ART3: variants seen among roughly 807,000 people sequenced by gnomAD.
ART3 encodes ecto-ADP-ribosyltransferase 3.
Under a neutral mutation model 48.5 loss-of-function variants are expected in ART3, and 49 were observed. That is an observed-to-expected ratio of 1.01 (90% confidence interval 0.80 to 1.28). The LOEUF is 1.28. ART3 is among the 50% of genes most tolerant of loss of function. The pLI, the probability that ART3 is intolerant of heterozygous loss-of-function variation, is 0.00. For synonymous variants in ART3, 145 were observed against 157.2 expected, an observed-to-expected ratio of 0.92 and a Z score of 0.58; for missense variants, 438 against 454.3, an observed-to-expected ratio of 0.96 and a Z score of 0.33.
Position 76,036,155 on chromosome 4 carries a change from T to A in ART3, c.-10+24835T>A, listed in dbSNP as rs138292834. On this transcript the variant is annotated intron_variant, in intron 1 of 9. Coordinates refer to the ART3 transcript ENST00000341029. ...TGGCACAGGAATTTCCCTCTTTGAG[T>A]CATGCACCTTTCCTGCTTCCAAGAG... The A allele has an allele frequency of 1.7e-4, 101 of 594,774 alleles. No homozygotes were observed. In the East Asian group the frequency reaches 2.8e-3, roughly 17 times the overall value. 36.8% of individuals were successfully genotyped at this position (594,774 alleles called of 1,614,324 possible).
intron 1 of ART3, among the ~76,000 whole-genome samples, chr4:76,055,808 G>C (rs1340705309): frequency 6.6e-6 from 1 of 152,200 alleles, no homozygotes; most frequent in Non-Finnish European, 1.5e-5. Context: ...CATTTTGTTG[G>C]TAAAGTTTAT....
rs201641887 is a variant in ART3, at chr4:76,051,432, AT to A, written c.-9-24442del. The stretch of plus-strand genomic sequence containing the variant: ...GCCATTAGGCACTGGGTAAGGCTCT[AT>A]TTTTTTCATCAAAACTTGGAGTAAA... On this transcript the variant is annotated intron_variant, in intron 1 of 9. Coordinates refer to the ART3 transcript ENST00000341029. Among the ~76,000 whole-genome samples the A allele has an allele frequency of 7.0e-3, 1,059 of 152,200 alleles. 9 individuals are homozygous for A. The highest frequency in any genetic ancestry group is 0.025 in the African/African-American group (1,018 of 41,522).
At chr4:76,047,638 A>G (rs776071179) in intron 1 of ART3, among the ~76,000 whole-genome samples, 1 of 151,946 alleles carries the variant, frequency 6.6e-6, no homozygotes, top group Non-Finnish European at 1.5e-5. Context: ...TCCAGTCCCC[A>G]TGATCTGAGT....
intron 2 of ART3, among the ~76,000 whole-genome samples, chr4:76,077,685 G>A (rs970108484): frequency 1.3e-5 from 2 of 152,148 alleles, no homozygotes; most frequent in Non-Finnish European, 1.5e-5. Context: ...ACCTATTGTT[G>A]TGAACATGTT....
At chr4:76,024,876 A>G (rs1733228317) in intron 1 of ART3, among the ~76,000 whole-genome samples, 1 of 152,228 alleles carries the variant, frequency 6.6e-6, no homozygotes, top group Non-Finnish European at 1.5e-5. Flanking sequence ...ACCTGGTATC[A>G]GGGGCCAAGA....
intron 3 of ART3, among the ~76,000 whole-genome samples, chr4:76,091,679 C>CTTTTTTT (rs869226732): frequency 8.9e-6 from 1 of 112,286 alleles, no homozygotes; most frequent in Admixed American, 9.2e-5. Context: ...TGTAGCTTAT[C>CTTTTTTT]TTTTTTTTTT....
intron 1 of ART3, among the ~76,000 whole-genome samples, chr4:76,063,654 A>G (rs1719444361): frequency 6.6e-6 from 1 of 152,190 alleles, no homozygotes; most frequent in African/African-American, 2.4e-5. Flanking sequence ...TTAAGTAGTC[A>G]TGTATTTATA....
Position 76,105,633 on chromosome 4 carries a change from A to G in ART3, c.1003+1004A>G. The G allele has an allele frequency of 2.4e-6, 3 of 1,245,544 alleles. No homozygotes were observed. The South Asian group carries it at 4.2e-5, about 18-fold the overall frequency. 77.2% of individuals were successfully genotyped at this position (1,245,544 alleles called of 1,614,324 possible). A position where few individuals can be genotyped will look rare whatever the true frequency, so the allele number is the denominator to read the frequency against. On this transcript the variant is annotated intron_variant, in intron 10 of 11. Coordinates refer to ENST00000355810, the MANE Select transcript of ART3 (RefSeq NM_001130016.3). Reference sequence around the variant, plus strand: ...ATAATCATTCAGTTAGTTCAGTCTTATGGGGTCTGGGGAAGACATCTGGGC... The same window carrying G: ...ATAATCATTCAGTTAGTTCAGTCTTGTGGGGTCTGGGGAAGACATCTGGGC...
intron 3 of ART3, among the ~76,000 whole-genome samples, chr4:76,082,941 A>G (rs1722793976): frequency 7.0e-6 from 1 of 141,996 alleles, no homozygotes; most frequent in Admixed American, 7.3e-5. Flanking sequence ...AAATGTTGGT[A>G]GTGCTGATGT....
chr4:76,112,485 G>T lies in ART3; in HGVS notation c.1136G>T (p.Ser379Ile), dbSNP rs1412097930. ...PQFGMVIILI[S>I]VSAINLFVAL is the part of the protein sequence containing the mutation. ...TTTGGGATGGTCATCATTTTAATCA[G>T]TGTTTCTGCTATAAATCTCTTTGTT... The change falls in exon 12 of 12, where the codon AGT becomes ATT. Residue 379 changes from serine (S) to isoleucine (I), a missense_variant. By Grantham distance (142) the Ser-to-Ile change is moderately radical. Around this residue, in one of 3 missense-constraint regions of ART3, gnomAD observed 227 missense variants for 229.6 expected, o/e 0.99. Coordinates refer to ENST00000355810, the MANE Select transcript of ART3 (RefSeq NM_001130016.3). 3 of 1,613,886 alleles carry T rather than the reference G, an allele frequency of 1.9e-6. No homozygotes were observed. Among genetic ancestry groups the T allele is most frequent in the East Asian group, 4.5e-5 (2 of 44,870 alleles).
intron 1 of ART3, among the ~76,000 whole-genome samples, chr4:76,053,575 G>A (rs1271902207): frequency 1.3e-5 from 2 of 152,118 alleles, no homozygotes; most frequent in Non-Finnish European, 2.9e-5. Context: ...ATTAACAGTC[G>A]TCAAAGAAAA....
chr4:76,087,438 A>G (rs1011927902), intron 3 of ART3, among the ~76,000 whole-genome samples: 2 of 152,218 alleles, frequency 1.3e-5, no homozygotes, highest in Non-Finnish European at 2.9e-5. Flanking sequence ...AGTTTGAAAC[A>G]GTGTGAAGAA....
chr4:76,072,978 G>T (rs142906224), upstream of ART3, among the ~76,000 whole-genome samples: 1 of 152,076 alleles, frequency 6.6e-6, no homozygotes, highest in African/African-American at 2.4e-5. Flanking sequence ...CACTCCATGC[G>T]CTCCTAGTCT....
chr4:76,109,569 T>C (rs981130273), intron 11 of ART3, among the ~76,000 whole-genome samples: 11 of 152,220 alleles, frequency 7.2e-5, no homozygotes, highest in Admixed American at 5.2e-4. Context: ...TCAAATGTTA[T>C]GTATTATATA....
At chr4:76,065,198 C>T (rs1719610414) in intron 1 of ART3, among the ~76,000 whole-genome samples, 1 of 152,092 alleles carries the variant, frequency 6.6e-6, no homozygotes, top group South Asian at 2.1e-4. Context: ...CTTCTTAACA[C>T]CACAAAGTTC....
At chr4:76,049,031 A>G (rs1435271056) in intron 1 of ART3, among the ~76,000 whole-genome samples, 1 of 151,928 alleles carries the variant, frequency 6.6e-6, no homozygotes, top group Non-Finnish European at 1.5e-5. Flanking sequence ...GAGGCTCCCC[A>G]TATCCTAGCT....
intron 1 of ART3, among the ~76,000 whole-genome samples, chr4:76,055,550 G>A (rs1718606926): frequency 6.6e-6 from 1 of 152,212 alleles, no homozygotes; most frequent in South Asian, 2.1e-4. Context: ...TTTCTGAGAT[G>A]AAACGGGAGT....
intron 4 of ART3, among the ~76,000 whole-genome samples, chr4:76,098,352 C>T (rs1311829600): frequency 6.6e-6 from 1 of 152,100 alleles, no homozygotes; most frequent in Non-Finnish European, 1.5e-5. Flanking sequence ...TTAAGACATG[C>T]TCTGGGTGGA....
At position 76,037,532 on chromosome 4, in the gene ART3, A is replaced by G. The variant is rs183461473; in HGVS notation, c.-10+26212A>G. Among the ~76,000 whole-genome samples, 116 of 152,130 alleles carry G rather than the reference A, an allele frequency of 7.6e-4. No homozygotes were observed. The Middle Eastern group carries it at 0.014, about 18-fold the overall frequency. Reference sequence around the variant, plus strand: ...CACCATTCTGGAGTCGAGTGGCACAATCATAGCTCACTGCAGCCATGAACT... The same window carrying G: ...CACCATTCTGGAGTCGAGTGGCACAGTCATAGCTCACTGCAGCCATGAACT... On this transcript the variant is annotated intron_variant, in intron 1 of 9. Transcript: ENST00000341029.
Sources: allele counts gnomAD v4.1 joint callset (sites outside exome capture counted in the v4.1 genomes callset), GRCh38; gene constraint gnomAD v4.1.1; regional missense constraint gnomAD v4.1.1; transcripts MANE v1.5; gene names NCBI Gene and HGNC (gene_info 2026-07-23, HGNC 2026-07-21).